PRUNE2: variants seen among roughly 807,000 people sequenced by gnomAD.
PRUNE2 encodes the protein prune homolog 2 with BCH domain.
PRUNE2 carries 164 observed loss-of-function variants against 252.0 expected under a neutral mutation model. The observed-to-expected ratio is 0.65, with a 90% CI of 0.57 to 0.74. The LOEUF is 0.74. Ranked by LOEUF, PRUNE2 falls within the 30% of genes least tolerant of loss-of-function variation. The probability of loss-of-function intolerance (pLI) is 0.00; values close to 1 mark genes in which losing one functional copy is unlikely to be tolerated. For missense variants in PRUNE2, 3,495 were observed against 3,711.0 expected (o/e 0.94, Z 1.51); for synonymous variants, 1,292 against 1,350.2 (o/e 0.96, Z 0.94).
At chr9:76,641,646 C>G (rs946854771) in intron 12 of PRUNE2, among the ~76,000 whole-genome samples, 5 of 152,042 alleles carry the variant, frequency 3.3e-5, no homozygotes, top group Non-Finnish European at 7.4e-5. Context: ...CATTTGAAGT[C>G]TGGTTTTTAA....
At chr9:76,833,085 T>C (rs1047812287) in intron 4 of PRUNE2, among the ~76,000 whole-genome samples, 3 of 152,100 alleles carry the variant, frequency 2.0e-5, no homozygotes, top group Non-Finnish European at 2.9e-5. Context: ...TCCCAAAGAA[T>C]AGAAAATGAG....
chr9:76,832,469 T>A (rs2058721296), intron 4 of PRUNE2, among the ~76,000 whole-genome samples: 1 of 152,116 alleles, frequency 6.6e-6, no homozygotes. Flanking sequence ...ACAATGCACT[T>A]CTATATAACT....
intron 4 of PRUNE2, among the ~76,000 whole-genome samples, chr9:76,846,071 C>G (rs1262220091): frequency 6.6e-6 from 1 of 152,190 alleles, no homozygotes; most frequent in African/African-American, 2.4e-5. Context: ...GACACAGTAT[C>G]ACCAAAATGA....
intron 1 of PRUNE2, among the ~76,000 whole-genome samples, chr9:76,860,616 T>C (rs1406764945): frequency 6.6e-6 from 1 of 152,228 alleles, no homozygotes; most frequent in Non-Finnish European, 1.5e-5. Flanking sequence ...ATCTTTTTTC[T>C]GAAAATTTTT....
In PRUNE2 at chr9:76,629,307, G is replaced by GA. The variant is rs369614373; in HGVS notation, c.9051-18dup. 1 of 1,042,902 alleles carries GA rather than the reference G, an allele frequency of 9.6e-7. No homozygotes were observed. The highest frequency in any genetic ancestry group is 1.4e-6 in the Non-Finnish European group (1 of 708,926). The allele number at this position is 1,042,902 out of a possible 1,614,324, so 64.6% of individuals were successfully genotyped here. A position where few individuals can be genotyped will look rare whatever the true frequency, so the allele number is the denominator to read the frequency against. On this transcript the variant is annotated splice_polypyrimidine_tract_variant and intron_variant, in intron 15 of 18. Coordinates refer to ENST00000376718, the MANE Select transcript of PRUNE2 (RefSeq NM_015225.3). The stretch of plus-strand genomic sequence containing the variant: ...AATTTTGAACTAAAAAAAAAAAAAA[G>GA]AAAAAAATATGTATCATTAGTCACT...
At chr9:76,668,746 C>T (rs1347659308) in intron 9 of PRUNE2, among the ~76,000 whole-genome samples, 6 of 151,936 alleles carry the variant, frequency 3.9e-5, no homozygotes, top group Non-Finnish European at 7.4e-5. Flanking sequence ...TCCACATCTT[C>T]CTTTTGTCCT....
At chr9:76,668,884 G>C (rs190291515) in intron 9 of PRUNE2, among the ~76,000 whole-genome samples, 2 of 149,924 alleles carry the variant, frequency 1.3e-5, no homozygotes, top group East Asian at 4.0e-4. Flanking sequence ...CACAATTCTG[G>C]AGGTTGGAAG....
chr9:76,711,066 A>G lies in PRUNE2; in HGVS notation c.1208T>C (p.Ile403Thr), dbSNP rs766157060. ...IEPQPSSVNF[I>T]ENPPDLNDSN... is the part of the protein sequence containing the mutation. ...ATCATTGAGATCTGGAGGGTTCTCTATGAAATTCACAGAGCTGGGTTGTGG... is the reference window on the plus strand; with the variant it reads ...ATCATTGAGATCTGGAGGGTTCTCTGTGAAATTCACAGAGCTGGGTTGTGG... Residue 403 changes from isoleucine (I) to threonine (T), a missense_variant, in exon 8 of 19, where the codon ATA becomes ACA. Ile to Thr is a moderately conservative substitution (Grantham distance 89, BLOSUM62 -1). Transcript: ENST00000376718. The G allele has an allele frequency of 1.4e-5, 23 of 1,614,026 alleles. No individual in the cohort carries two copies. The South Asian group carries it at 2.1e-4, about 15-fold the overall frequency.
At chr9:76,833,891 T>G (rs1248696642) in intron 4 of PRUNE2, among the ~76,000 whole-genome samples, 4 of 150,648 alleles carry the variant, frequency 2.7e-5, no homozygotes, top group East Asian at 1.9e-4. Context: ...TTTTTGTTTT[T>G]TTTTTTTTAA....
At chr9:76,747,977 T>C (rs1042043394) in intron 6 of PRUNE2, among the ~76,000 whole-genome samples, 1 of 152,106 alleles carries the variant, frequency 6.6e-6, no homozygotes, top group Non-Finnish European at 1.5e-5. Flanking sequence ...GTATTTTTTT[T>C]AGTAGAGACG....
chr9:76,837,313 GCACC>G (rs2059051818), intron 4 of PRUNE2, among the ~76,000 whole-genome samples: 1 of 152,006 alleles, frequency 6.6e-6, no homozygotes, highest in South Asian at 2.1e-4. Flanking sequence ...GTGGTGGCGG[GCACC>G]TGCAGTCCCA....
Position 76,707,092 on chromosome 9 carries a change from C to T in PRUNE2, c.5182G>A (p.Val1728Ile). Reference protein sequence around the residue: ...DSLNESNKFLVTADPKSENIY... With the variant: ...DSLNESNKFLITADPKSENIY... Reference sequence around the variant, plus strand: ...TTTTCAGACTTAGGATCAGCTGTGACCAAGAACTTATTAGATTCATTCAAT... The same window carrying T: ...TTTTCAGACTTAGGATCAGCTGTGATCAAGAACTTATTAGATTCATTCAAT... Residue 1728 changes from valine to isoleucine, a missense_variant, in exon 8 of 19, where the codon GTC becomes ATC. Transcript: ENST00000376718. 6 of 1,613,940 alleles carry T rather than the reference C, an allele frequency of 3.7e-6. No homozygotes were observed. Among genetic ancestry groups the T allele is most frequent in the Non-Finnish European group, 5.1e-6 (6 of 1,179,876 alleles).
chr9:76,852,139 T>C (rs765919252), intron 2 of PRUNE2, among the ~76,000 whole-genome samples: 1 of 152,224 alleles, frequency 6.6e-6, no homozygotes, highest in Non-Finnish European at 1.5e-5. Flanking sequence ...TTAGTACATA[T>C]TTGTTGAATG....
chr9:76,752,196 C>T (rs2050688890), intron 6 of PRUNE2, among the ~76,000 whole-genome samples: 2 of 151,330 alleles, frequency 1.3e-5, no homozygotes, highest in Admixed American at 1.3e-4. Context: ...CTCCTGGGTT[C>T]ACGCCATTCT....
Position 76,724,721 on chromosome 9 carries a change from A to T in PRUNE2, c.757-11000T>A, listed in dbSNP as rs575626923. Among the ~76,000 whole-genome samples, 3 of 152,312 alleles carry T rather than the reference A, an allele frequency of 2.0e-5. No homozygotes were observed. The South Asian group carries it at 6.2e-4, about 32-fold the overall frequency. On this transcript the variant is annotated intron_variant, in intron 6 of 18. Coordinates refer to ENST00000376718, the MANE Select transcript of PRUNE2 (RefSeq NM_015225.3). ...TTTCACAACCAATCAAAGACAAATA[A>T]GTCATCACCTCATTAACTAACAGCC... is the stretch of plus-strand genomic sequence containing the variant.
At chr9:76,727,489 G>A (rs2048196198) in intron 6 of PRUNE2, among the ~76,000 whole-genome samples, 1 of 152,092 alleles carries the variant, frequency 6.6e-6, no homozygotes, top group South Asian at 2.1e-4. Context: ...TTAGATTGCT[G>A]TGCTTATAAA....
rs1239232496 is a variant in PRUNE2 at position 76,706,155 on chromosome 9, G to A, written c.6119C>T (p.Pro2040Leu). Residue 2040 changes from proline to leucine, a missense_variant, in exon 8 of 19, where the codon CCA becomes CTA. Pro to Leu is a moderately conservative substitution (Grantham distance 98). Coordinates refer to ENST00000376718, the MANE Select transcript of PRUNE2 (RefSeq NM_015225.3). ...AAAGGTACCTCGGGAGTCCTCACTT[G>A]GGGTAGAGCCATCCCATTCAGAGCC... ...KPGSEWDGST[P>L]SEDSRGTFVP... The A allele has an allele frequency of 6.2e-7, 1 of 1,613,964 alleles. No homozygotes were observed. The highest frequency in any genetic ancestry group is 8.5e-7 in the Non-Finnish European group (1 of 1,179,888).
chr9:76,778,861 T>C (rs2054076381), intron 6 of PRUNE2: 1 of 152,218 alleles, frequency 6.6e-6, no homozygotes, highest in Non-Finnish European at 1.5e-5. Flanking sequence ...TCTCATAGTT[T>C]TGTCATGGCC....
chr9:76,823,994 G>A (rs1466553737), intron 5 of PRUNE2, among the ~76,000 whole-genome samples: 1 of 152,138 alleles, frequency 6.6e-6, no homozygotes. Context: ...TGTGGGCTGG[G>A]TGAGAAAGTG....
Sources: allele counts gnomAD v4.1 joint callset (sites outside exome capture counted in the v4.1 genomes callset), GRCh38; gene constraint gnomAD v4.1.1; transcripts MANE v1.5; gene names NCBI Gene and HGNC (gene_info 2026-07-23, HGNC 2026-07-21).